The following RPTOR variants were observed in gnomAD, a reference collection of about 807,000 sequenced individuals.
The protein encoded by RPTOR is regulatory-associated protein of mTOR.
Under a neutral mutation model 169.9 loss-of-function variants are expected in RPTOR, and 21 were observed. The observed-to-expected ratio is 0.12, with a 90% CI of 0.09 to 0.18. RPTOR has a LOEUF of 0.18. RPTOR is among the 10% of genes least tolerant of loss of function. RPTOR has a pLI of 1.00. For synonymous variants in RPTOR, 732 were observed against 753.2 expected (o/e 0.97, Z 0.46); for missense variants, 1,133 against 1,855.9 (o/e 0.61, Z 7.16).
chr17:80,601,291 C>T (rs978364317), intron 1 of RPTOR, among the ~76,000 whole-genome samples: 2 of 152,288 alleles, frequency 1.3e-5, no homozygotes, highest in African/African-American at 2.4e-5. Context: ...AGGGTGTCCC[C>T]TCCCTTCCCT....
intron 24 of RPTOR, among the ~76,000 whole-genome samples, chr17:80,931,781 C>G (rs1415237341): frequency 1.3e-4 from 20 of 152,208 alleles, no homozygotes; most frequent in Admixed American, 1.3e-3. Context: ...CTGCCTCAGT[C>G]AGAGTCTGGG....
At chr17:80,728,035 A>G (rs1464273002) in intron 4 of RPTOR, among the ~76,000 whole-genome samples, 1 of 152,162 alleles carries the variant, frequency 6.6e-6, no homozygotes, top group African/African-American at 2.4e-5. Context: ...GGATGGATGG[A>G]TGGATGAATG....
intron 3 of RPTOR, among the ~76,000 whole-genome samples, chr17:80,698,413 G>C (rs762225693): frequency 6.6e-6 from 1 of 151,728 alleles, no homozygotes; most frequent in Non-Finnish European, 1.5e-5. Flanking sequence ...CCAGCTCCTC[G>C]TTTGCAGAGG....
intron 21 of RPTOR, among the ~76,000 whole-genome samples, chr17:80,914,946 CT>C (rs937658224): frequency 4.3e-4 from 66 of 152,378 alleles, no homozygotes; most frequent in African/African-American, 1.6e-3. Flanking sequence ...TTTTCCAAGC[CT>C]GCCCATGGCT....
chr17:80,582,837 C>G (rs1421004356), intron 1 of RPTOR, among the ~76,000 whole-genome samples: 1 of 152,036 alleles, frequency 6.6e-6, no homozygotes, highest in Non-Finnish European at 1.5e-5. Context: ...AGCCACCGCG[C>G]ATGGCCAAAT....
chr17:80,578,242 T>C (rs2064983098), intron 1 of RPTOR, among the ~76,000 whole-genome samples: 1 of 152,164 alleles, frequency 6.6e-6, no homozygotes, highest in Non-Finnish European at 1.5e-5. Flanking sequence ...TCACTCCAGA[T>C]GTCAACAGTC....
chr17:80,860,852 G>A lies in RPTOR; in HGVS notation c.1509+2952G>A, dbSNP rs968190319. On this transcript the variant is annotated intron_variant, in intron 13 of 33. Coordinates refer to ENST00000306801, the MANE Select transcript of RPTOR (RefSeq NM_020761.3). The surrounding 1 kb of genome is among the most constrained non-coding windows in gnomAD (Gnocchi z 5.8). ...GCACTGACCATGGCTCTGCTGGCAC[G>A]GGTCGGCTACCGTGCTTGCCATCTC... Among the ~76,000 whole-genome samples the A allele has an allele frequency of 4.6e-5, 7 of 151,964 alleles. No homozygotes were observed. The highest frequency in any genetic ancestry group is 8.8e-5 in the Non-Finnish European group (6 of 68,014).
intron 1 of RPTOR, among the ~76,000 whole-genome samples, chr17:80,611,171 C>A (rs527890130): frequency 6.6e-6 from 1 of 152,304 alleles, no homozygotes; most frequent in South Asian, 2.1e-4. Flanking sequence ...CACTTTGACA[C>A]AAGGCTTGTT....
intron 3 of RPTOR, among the ~76,000 whole-genome samples, chr17:80,700,544 A>G (rs141211777): frequency 0.53 from 49,970 of 94,856 alleles, 10,392 homozygotes; most frequent in Admixed American, 0.62. Flanking sequence ...GGTGATGATG[A>G]TGGTGGTGGT....
At chr17:80,863,131 G>A (rs1598360606) in intron 13 of RPTOR, among the ~76,000 whole-genome samples, 1 of 152,322 alleles carries the variant, frequency 6.6e-6, no homozygotes, top group East Asian at 1.9e-4. Flanking sequence ...AACACCATGT[G>A]CCACCGGGGA....
At position 80,673,216 on chromosome 17, in the gene RPTOR, C is replaced by T. The variant is rs530119322; in HGVS notation, c.348+29406C>T. On this transcript the variant is annotated intron_variant, in intron 3 of 33. Coordinates refer to ENST00000306801, the MANE Select transcript of RPTOR (RefSeq NM_020761.3). ...TATAGGTGTGAGCCGCCACGCCCAG[C>T]CCTCTTTTTACATTATTAACAGAAG... Among the ~76,000 whole-genome samples, 3 of 152,274 alleles carry T rather than the reference C, an allele frequency of 2.0e-5. No individual in the cohort carries two copies. In the East Asian group the frequency reaches 5.8e-4, roughly 29 times the overall value.
intron 3 of RPTOR, among the ~76,000 whole-genome samples, chr17:80,650,135 C>T (rs1368365554): frequency 6.6e-6 from 1 of 152,224 alleles, no homozygotes; most frequent in East Asian, 1.9e-4. Flanking sequence ...TCTGCAGCCT[C>T]CTGGAGGATG....
chr17:80,702,461 T>C (rs2066109309), intron 3 of RPTOR, among the ~76,000 whole-genome samples: 1 of 152,212 alleles, frequency 6.6e-6, no homozygotes, highest in Admixed American at 6.5e-5. Flanking sequence ...CTCCCGTGCC[T>C]CTCCTGTCTC....
intron 1 of RPTOR, among the ~76,000 whole-genome samples, chr17:80,580,689 C>T (rs2065006414): frequency 6.6e-6 from 1 of 152,176 alleles, no homozygotes; most frequent in Non-Finnish European, 1.5e-5. Flanking sequence ...GTGGCATAAT[C>T]ACAGTTCGCT....
intron 6 of RPTOR, among the ~76,000 whole-genome samples, chr17:80,765,180 T>C (rs1374074741): frequency 6.6e-6 from 1 of 152,212 alleles, no homozygotes; most frequent in Non-Finnish European, 1.5e-5. Flanking sequence ...GGGTCTCTGC[T>C]TCATTTCCTG....
chr17:80,685,627 A>ATATTT (rs1269766086), intron 3 of RPTOR, among the ~76,000 whole-genome samples: 4 of 30,684 alleles, frequency 1.3e-4, no homozygotes, highest in African/African-American at 3.4e-4. Flanking sequence ...ATATATATAT[A>ATATTT]TTTTTTTTTT....
At chr17:80,650,661 TA>T (rs902193100) in intron 3 of RPTOR, among the ~76,000 whole-genome samples, 24 of 152,218 alleles carry the variant, frequency 1.6e-4, no homozygotes, top group African/African-American at 5.5e-4. Flanking sequence ...TAAAAGTATA[TA>T]AAGCATTTGC....
intron 3 of RPTOR, among the ~76,000 whole-genome samples, chr17:80,672,744 C>G (rs1028718374): frequency 2.0e-5 from 3 of 151,836 alleles, no homozygotes; most frequent in African/African-American, 7.3e-5. Context: ...GAGCCGAGAT[C>G]GCGTCACTGC....
chr17:80,554,320 C>T (rs1295323996), intron 1 of RPTOR, among the ~76,000 whole-genome samples: 1 of 152,040 alleles, frequency 6.6e-6, no homozygotes, highest in African/African-American at 2.4e-5. Flanking sequence ...GTTGTAATAT[C>T]AAATAATAAT....
Sources: allele counts gnomAD v4.1 joint callset (sites outside exome capture counted in the v4.1 genomes callset), GRCh38; gene constraint gnomAD v4.1.1; non-coding constraint Gnocchi (gnomAD v3.1); transcripts MANE v1.5; gene names NCBI Gene and HGNC (gene_info 2026-07-23, HGNC 2026-07-21).